ADARB2: variants seen among roughly 807,000 people sequenced by gnomAD.
ADARB2 encodes the protein inactive double-stranded RNA-specific editase B2.
A neutral mutation model predicts 62.2 loss-of-function variants in ADARB2; 25 were observed. That is an observed-to-expected ratio of 0.40 (90% CI 0.29 to 0.56). The LOEUF (loss-of-function observed/expected upper bound fraction) is 0.56, where lower values mean the gene tolerates loss of function less well. ADARB2 is among the 20% of genes least tolerant of loss of function. The pLI is 0.43. For synonymous variants in ADARB2, 572 were observed against 500.8 expected (o/e 1.14, Z -1.90); for missense variants, 1,071 against 1,077.4 (o/e 0.99, Z 0.08).
chr10:1,180,167 C>G lies in ADARB2; in HGVS notation c.*3026G>C, dbSNP rs1157007627. On this transcript the variant is annotated 3_prime_UTR_variant, in exon 10 of 10. Transcript: ENST00000381312. ...CATCTCTGCAGAGGTGGCACAGCCC[C>G]TCCAGGCACATCCAGGGCTGTGGGA... 2 of 152,226 alleles carry G rather than the reference C, an allele frequency of 1.3e-5. No homozygotes were observed. Among genetic ancestry groups the G allele is most frequent in the African/African-American group, 4.8e-5 (2 of 41,434 alleles). 9.4% of individuals were successfully genotyped at this position (152,226 alleles called of 1,614,324 possible).
intron 1 of ADARB2, chr10:1,675,532 G>A: frequency 7.5e-5 from 72 of 963,032 alleles, no homozygotes; most frequent in Non-Finnish European, 8.6e-5. Context: ...ATGTTCAGGA[G>A]GTTTGGGTTT....
chr10:1,326,838 A>G lies in ADARB2; in HGVS notation c.1077+36190T>C, dbSNP rs1476394014. ...CCTCCCCACGGCCCAGCGCCTCCCCACGGCCCAGCGCCTCCCCACTGCCCA... is the reference window on the plus strand; with the variant it reads ...CCTCCCCACGGCCCAGCGCCTCCCCGCGGCCCAGCGCCTCCCCACTGCCCA... On this transcript the variant is annotated intron_variant, in intron 3 of 9. Transcript: ENST00000381312. Among the ~76,000 whole-genome samples the G allele has an allele frequency of 4.2e-3, 334 of 79,406 alleles. 1 individual carries two copies. Among genetic ancestry groups the G allele is most frequent in the Non-Finnish European group, 7.1e-3 (241 of 34,138 alleles). 52.1% of individuals were successfully genotyped at this position (79,406 alleles called of 152,430 possible).
chr10:1,614,486 T>C (rs1833606198), intron 1 of ADARB2, among the ~76,000 whole-genome samples: 1 of 152,230 alleles, frequency 6.6e-6, no homozygotes, highest in Non-Finnish European at 1.5e-5. Flanking sequence ...CTCTCAGGGT[T>C]TATAACGAGT....
rs3750673 is a variant in ADARB2, at chr10:1,363,834, C to G, written c.271G>C (p.Gly91Arg). The change falls in exon 3 of 10, where the codon GGC (glycine) becomes CGC (arginine). Residue 91 changes from glycine to arginine, a missense_variant. By Grantham distance (125) the Gly-to-Arg change is moderately radical (BLOSUM62 -2). Coordinates refer to ENST00000381312, the MANE Select transcript of ADARB2 (RefSeq NM_018702.4). ...TTCCTCTTCGCGCCGGGCGCGCCGC[C>G]CCGGGCCCGGTCCCCGGAGGGCGGT... is the stretch of plus-strand genomic sequence containing the variant. Reference protein sequence around the residue: ...RPPPSGDRARGGAPGAKRKRP... With the variant: ...RPPPSGDRARRGAPGAKRKRP... The G allele has an allele frequency of 6.4e-7, 1 of 1,563,566 alleles. No homozygotes were observed. The highest frequency in any genetic ancestry group is 8.6e-7 in the Non-Finnish European group (1 of 1,162,274).
chr10:1,497,748 A>G (rs1358682643), intron 1 of ADARB2, among the ~76,000 whole-genome samples: 5 of 152,224 alleles, frequency 3.3e-5, no homozygotes, highest in Non-Finnish European at 5.9e-5. Flanking sequence ...CCAATCATTT[A>G]TAAGTTAATT....
chr10:1,494,121 G>T (rs997594502), intron 1 of ADARB2, among the ~76,000 whole-genome samples: 1 of 152,064 alleles, frequency 6.6e-6, no homozygotes, highest in Non-Finnish European at 1.5e-5. Context: ...CATTTGCATG[G>T]TTTCTTACTC....
At chr10:1,645,814 G>A (rs1346012047) in intron 1 of ADARB2, among the ~76,000 whole-genome samples, 1 of 152,122 alleles carries the variant, frequency 6.6e-6, no homozygotes, top group Non-Finnish European at 1.5e-5. Context: ...TCCAATGCTT[G>A]GGATCTCTTC....
At chr10:1,666,004 G>A (rs114589920) in intron 1 of ADARB2, among the ~76,000 whole-genome samples, 1,559 of 152,144 alleles carry the variant, frequency 0.01, 38 homozygotes, top group African/African-American at 0.036. Flanking sequence ...GCAGGGAGCT[G>A]GGGCCCAGCC....
intron 1 of ADARB2, among the ~76,000 whole-genome samples, chr10:1,668,212 G>T (rs1834337592): frequency 6.6e-6 from 1 of 152,298 alleles, no homozygotes; most frequent in Non-Finnish European, 1.5e-5. Flanking sequence ...TCTCTCTCCG[G>T]TTGCAATAGT....
chr10:1,438,456 G>T lies in ADARB2; in HGVS notation c.101-59296C>A, dbSNP rs200239341. Among the ~76,000 whole-genome samples the T allele has an allele frequency of 7.5e-5, 8 of 105,962 alleles. No individual in the cohort carries two copies. The East Asian group carries it at 2.6e-3, about 35-fold the overall frequency. 69.5% of individuals were successfully genotyped at this position (105,962 alleles called of 152,430 possible). On this transcript the variant is annotated intron_variant, in intron 1 of 9. Transcript: ENST00000381312. ...CACTATGGGGCTCCTGAGTCTCCTC[G>T]GTGGACAGAAGCAGGTTCTTCACTA...
intron 1 of ADARB2, among the ~76,000 whole-genome samples, chr10:1,537,613 C>T (rs1283880094): frequency 6.6e-6 from 1 of 152,212 alleles, no homozygotes; most frequent in Admixed American, 6.5e-5. Flanking sequence ...ATATATACAG[C>T]ATGGAATACT....
chr10:1,499,296 C>G (rs1281276063), intron 1 of ADARB2, among the ~76,000 whole-genome samples: 1 of 152,042 alleles, frequency 6.6e-6, no homozygotes, highest in Non-Finnish European at 1.5e-5. Flanking sequence ...ACTCAACATT[C>G]ATTCATTACT....
At chr10:1,659,862 G>A (rs1834222642) in intron 1 of ADARB2, among the ~76,000 whole-genome samples, 1 of 141,482 alleles carries the variant, frequency 7.1e-6, no homozygotes, top group Non-Finnish European at 1.5e-5. Flanking sequence ...TCATCTGCCT[G>A]CCTTCCCTCC....
At chr10:1,650,890 G>A (rs779724649) in intron 1 of ADARB2, among the ~76,000 whole-genome samples, 9 of 152,300 alleles carry the variant, frequency 5.9e-5, no homozygotes, top group South Asian at 2.1e-4. Flanking sequence ...CCGCGTGTCC[G>A]AGATGGTGGA....
intron 3 of ADARB2, among the ~76,000 whole-genome samples, chr10:1,307,787 G>T (rs1831644086): frequency 9.8e-6 from 1 of 102,008 alleles, no homozygotes; most frequent in Non-Finnish European, 2.0e-5. Flanking sequence ...GTAGGGACAT[G>T]GATGAAATTG....
chr10:1,475,046 C>T (rs1831380706), intron 1 of ADARB2, among the ~76,000 whole-genome samples: 1 of 152,002 alleles, frequency 6.6e-6, no homozygotes, highest in South Asian at 2.1e-4. Flanking sequence ...CCCCACGGGC[C>T]GCTGCTACAG....
chr10:1,591,368 C>G (rs1486410048), intron 1 of ADARB2, among the ~76,000 whole-genome samples: 1 of 126,432 alleles, frequency 7.9e-6, no homozygotes, highest in African/African-American at 3.1e-5. Flanking sequence ...CCACCCACAG[C>G]TCATTCCCAC....
At chr10:1,423,675 T>G (rs1290144341) in intron 1 of ADARB2, among the ~76,000 whole-genome samples, 2 of 151,962 alleles carry the variant, frequency 1.3e-5, no homozygotes, top group African/African-American at 4.8e-5. Flanking sequence ...AGGTCCACTA[T>G]GTATGCAGTA....
chr10:1,259,513 A>G (rs1199936504), intron 4 of ADARB2, among the ~76,000 whole-genome samples: 2 of 152,240 alleles, frequency 1.3e-5, no homozygotes, highest in Non-Finnish European at 1.5e-5. Context: ...AGAGAATACT[A>G]TAAACACTTC....
Sources: allele counts gnomAD v4.1 joint callset (sites outside exome capture counted in the v4.1 genomes callset), GRCh38; gene constraint gnomAD v4.1.1; transcripts MANE v1.5; gene names NCBI Gene and HGNC (gene_info 2026-07-23, HGNC 2026-07-21).